Variants in GPC5 observed in about 807,000 individuals in gnomAD.
The protein encoded by GPC5 is glypican 5, also known as glypican-5.
A neutral mutation model predicts 53.9 loss-of-function variants in GPC5; 47 were observed. That is an observed-to-expected ratio of 0.87 (90% CI 0.69 to 1.11). The LOEUF (loss-of-function observed/expected upper bound fraction) is 1.11. Among genes scored for constraint, GPC5 ranks in the 50% most tolerant of loss-of-function variants. The pLI, the probability that GPC5 is intolerant of heterozygous loss-of-function variation, is 0.00. For synonymous variants in GPC5, 286 were observed against 263.3 expected (o/e 1.09, Z -0.84); for missense variants, 748 against 713.1 (o/e 1.05, Z -0.56).
At chr13:92,237,274 C>A (rs1378078255) in intron 7 of GPC5, among the ~76,000 whole-genome samples, 1 of 152,100 alleles carries the variant, frequency 6.6e-6, no homozygotes, top group Non-Finnish European at 1.5e-5. Flanking sequence ...GGCTGGAGTG[C>A]AGTGGCGTAA....
At chr13:92,352,216 CAT>C (rs924975042) in intron 7 of GPC5, among the ~76,000 whole-genome samples, 14 of 151,346 alleles carry the variant, frequency 9.3e-5, no homozygotes, top group African/African-American at 2.9e-4. Context: ...ACCTGAAAAA[CAT>C]ATGAAAAAAA....
intron 2 of GPC5, among the ~76,000 whole-genome samples, chr13:91,597,949 T>C (rs981641825): frequency 1.3e-5 from 2 of 151,952 alleles, no homozygotes; most frequent in African/African-American, 4.8e-5. Context: ...AAAAAGCGGA[T>C]GCTCAATTTA....
intron 6 of GPC5, among the ~76,000 whole-genome samples, chr13:92,038,882 C>T (rs1467253177): frequency 1.3e-5 from 2 of 152,180 alleles, no homozygotes; most frequent in East Asian, 1.9e-4. Flanking sequence ...GAGAAACAGA[C>T]TCATTAAACT....
intron 6 of GPC5, among the ~76,000 whole-genome samples, chr13:92,143,434 T>A (rs2041845382): frequency 6.6e-6 from 1 of 152,156 alleles, no homozygotes; most frequent in Non-Finnish European, 1.5e-5. Flanking sequence ...TGCTGTACTA[T>A]CCCTTCCCTT....
intron 6 of GPC5, among the ~76,000 whole-genome samples, chr13:92,070,344 T>C (rs190543219): frequency 5.9e-5 from 9 of 152,316 alleles, no homozygotes; most frequent in African/African-American, 2.2e-4. Context: ...CAACACACTT[T>C]ACAAGCTACA....
At chr13:92,356,423 C>T (rs1033494303) in intron 7 of GPC5, among the ~76,000 whole-genome samples, 1 of 152,076 alleles carries the variant, frequency 6.6e-6, no homozygotes, top group Admixed American at 6.6e-5. Flanking sequence ...TCCAGAGTAG[C>T]AAAAGTCGAA....
intron 2 of GPC5, among the ~76,000 whole-genome samples, chr13:91,532,347 C>G (rs537071703): frequency 5.4e-4 from 82 of 152,222 alleles, no homozygotes; most frequent in African/African-American, 1.8e-3. Flanking sequence ...AACCTAAGGT[C>G]CCAAATAAAT....
Position 91,924,306 on chromosome 13 carries a change from G to A in GPC5, c.1401+16249G>A, listed in dbSNP as rs1187155207. The stretch of plus-strand genomic sequence containing the variant: ...CAAAATTATTTTATATCATCCAAAA[G>A]CACAAAAGTCTTATTAGAATACTAA... On this transcript the variant is annotated intron_variant, in intron 6 of 7. Transcript: ENST00000377067. 2.0e-5 allele frequency among the ~76,000 whole-genome samples: 3 copies of A among 152,180 alleles called. No individual in the cohort carries two copies. The East Asian group carries it at 5.8e-4, about 29-fold the overall frequency.
chr13:92,792,297 A>T (rs2138776218), intron 7 of GPC5, among the ~76,000 whole-genome samples: 1 of 152,262 alleles, frequency 6.6e-6, no homozygotes, highest in Admixed American at 6.5e-5. Flanking sequence ...TTTCATATCC[A>T]GCCAAATCAA....
chr13:92,631,665 T>C (rs1566331322), intron 7 of GPC5, among the ~76,000 whole-genome samples: 3 of 152,136 alleles, frequency 2.0e-5, no homozygotes, highest in Non-Finnish European at 2.9e-5. Context: ...ATAATAAAAA[T>C]ATGGTTGAGT....
chr13:92,647,926 G>T (rs1460858161), intron 7 of GPC5, among the ~76,000 whole-genome samples: 1 of 152,012 alleles, frequency 6.6e-6, no homozygotes, highest in Non-Finnish European at 1.5e-5. Flanking sequence ...GACAAATCAT[G>T]TCTTGTTCCA....
chr13:92,107,115 G>A (rs2041516327), intron 6 of GPC5, among the ~76,000 whole-genome samples: 1 of 151,808 alleles, frequency 6.6e-6, no homozygotes. Flanking sequence ...GTTTTTTTTA[G>A]TTGGGCCGTT....
chr13:92,715,877 T>TTG (rs368302304), intron 7 of GPC5, among the ~76,000 whole-genome samples: 22 of 152,128 alleles, frequency 1.4e-4, no homozygotes, highest in Non-Finnish European at 1.3e-4. Flanking sequence ...CAATCTAAAC[T>TTG]TGTGTGTGTG....
intron 6 of GPC5, among the ~76,000 whole-genome samples, chr13:91,985,823 A>G (rs1049234843): frequency 2.0e-5 from 3 of 152,140 alleles, no homozygotes; most frequent in Non-Finnish European, 4.4e-5. Context: ...TGACTAAAAC[A>G]ACACCACATA....
chr13:92,559,488 A>G (rs1379379922), intron 7 of GPC5, among the ~76,000 whole-genome samples: 1 of 151,584 alleles, frequency 6.6e-6, no homozygotes, highest in Non-Finnish European at 1.5e-5. Context: ...GAGGTAGAAG[A>G]GCCTAGCCAG....
At chr13:92,118,381 T>C (rs1039092766) in intron 6 of GPC5, among the ~76,000 whole-genome samples, 6 of 152,230 alleles carry the variant, frequency 3.9e-5, no homozygotes, top group Middle Eastern at 3.4e-3. Context: ...TAAAGGGATA[T>C]CGGTTTATAC....
chr13:91,440,876 T>C (rs1374852987), intron 1 of GPC5, among the ~76,000 whole-genome samples: 1 of 152,200 alleles, frequency 6.6e-6, no homozygotes, highest in Non-Finnish European at 1.5e-5. Context: ...ATGTGAGGTA[T>C]GGTTCAGGGG....
intron 7 of GPC5, among the ~76,000 whole-genome samples, chr13:92,428,195 A>G (rs1876921229): frequency 6.6e-6 from 1 of 152,068 alleles, no homozygotes; most frequent in South Asian, 2.1e-4. Context: ...CATGGTCTCT[A>G]TCAGAATGGA....
intron 7 of GPC5, among the ~76,000 whole-genome samples, chr13:92,645,091 G>A (rs1270748493): frequency 6.6e-6 from 1 of 152,054 alleles, no homozygotes; most frequent in Non-Finnish European, 1.5e-5. Flanking sequence ...AGTTACATAG[G>A]CCCTACTACA....
Sources: gnomAD v4.1 joint callset for allele counts (sites outside exome capture counted in the v4.1 genomes callset) on GRCh38, gnomAD v4.1.1 for gene constraint, MANE v1.5 for transcripts, NCBI Gene and HGNC (gene_info 2026-07-23, HGNC 2026-07-21) for gene names.